Variants in TPD52L1 observed in about 807,000 individuals in gnomAD.
TPD52L1 encodes the protein tumor protein D53.
Under a neutral mutation model 28.7 loss-of-function variants are expected in TPD52L1, and 18 were observed. The observed-to-expected ratio is 0.63, with a 90% confidence interval of 0.43 to 0.93. The LOEUF (loss-of-function observed/expected upper bound fraction) is 0.93, where lower values mean the gene tolerates loss of function less well. Ranked by LOEUF, TPD52L1 falls within the 40% of genes least tolerant of loss-of-function variation. The pLI is 0.00. For synonymous variants in TPD52L1, 75 were observed against 88.8 expected (o/e 0.84, Z 0.88); for missense variants, 203 against 254.8 (o/e 0.80, Z 1.39).
At chr6:125,225,924 T>C (rs11154299) in intron 2 of TPD52L1, among the ~76,000 whole-genome samples, 11,306 of 152,176 alleles carry the variant, frequency 0.074, 1,384 homozygotes, top group African/African-American at 0.26. Flanking sequence ...TAAACTGAAG[T>C]TGAGAACCAC....
intron 1 of TPD52L1, among the ~76,000 whole-genome samples, chr6:125,194,119 T>G (rs933720310): frequency 2.0e-5 from 3 of 151,874 alleles, no homozygotes; most frequent in Non-Finnish European, 2.9e-5. Context: ...CTGGAACTAC[T>G]TGTGGATTTT....
intron 1 of TPD52L1, among the ~76,000 whole-genome samples, chr6:125,159,015 G>A (rs1318817398): frequency 6.6e-6 from 1 of 152,236 alleles, no homozygotes; most frequent in Non-Finnish European, 1.5e-5. Context: ...TTTACTGGTG[G>A]AGGGTCTTGC....
rs116833085 is a variant in TPD52L1, at chr6:125,174,727, T to C, written c.19+20757T>C. Reference sequence around the variant, plus strand: ...GCTTTCAAAATAACTTAGTAGAGCATTGGGGAAAATGCCAGCAGTGCTTAC... The same window carrying C: ...GCTTTCAAAATAACTTAGTAGAGCACTGGGGAAAATGCCAGCAGTGCTTAC... On this transcript the variant is annotated intron_variant, in intron 1 of 6. Transcript: ENST00000534000. 5.0e-3 allele frequency among the ~76,000 whole-genome samples: 756 copies of C among 152,292 alleles called. 10 individuals are homozygous for C. The highest frequency in any genetic ancestry group is 0.017 in the African/African-American group (705 of 41,578).
intron 1 of TPD52L1, among the ~76,000 whole-genome samples, chr6:125,178,330 T>TA (rs1791944476): frequency 6.6e-6 from 1 of 152,066 alleles, no homozygotes; most frequent in Non-Finnish European, 1.5e-5. Flanking sequence ...CATAAATTAG[T>TA]AAAAAACATA....
At chr6:125,182,367 G>A (rs907560768) in intron 1 of TPD52L1, among the ~76,000 whole-genome samples, 1 of 152,124 alleles carries the variant, frequency 6.6e-6, no homozygotes, top group Non-Finnish European at 1.5e-5. Flanking sequence ...TTTAGGAATC[G>A]TGAGCTGGAG....
At chr6:125,256,986 A>G in intron 5 of TPD52L1, 112 bp from the exon 6 acceptor site, 1 of 858,724 alleles carries the variant, frequency 1.2e-6, no homozygotes. Context: ...GCAAGCTGAC[A>G]GGTAGCTCTG....
chr6:125,259,263 T>C (rs564303101), intron 6 of TPD52L1, among the ~76,000 whole-genome samples: 3 of 152,338 alleles, frequency 2.0e-5, no homozygotes, highest in South Asian at 2.1e-4. Flanking sequence ...TAAGAAATCA[T>C]AGTCATATTT....
intron 1 of TPD52L1, among the ~76,000 whole-genome samples, chr6:125,201,839 T>C (rs1265908192): frequency 6.6e-6 from 1 of 152,232 alleles, no homozygotes; most frequent in Non-Finnish European, 1.5e-5. Flanking sequence ...CAGAAACACA[T>C]ATTTCCATCT....
At position 125,220,193 on chromosome 6, in the gene TPD52L1, G is replaced by A; in HGVS notation, c.135G>A (p.Gln45=). 6.3e-7 allele frequency: 1 copy of A among 1,591,586 alleles called. No homozygotes were observed. Among genetic ancestry groups the A allele is most frequent in the Non-Finnish European group, 8.6e-7 (1 of 1,159,714 alleles). ...EKEELKAELV[Q]LEDEITTLRQ... ...AAGAGTTAAAAGCAGAGTTAGTTCA[G>A]GTATGTTTAGTAATCTTATTGTTGC... is the stretch of plus-strand genomic sequence containing the variant. The change falls in exon 2 of 7, where the codon CAG becomes CAA. Residue 45 remains glutamine, a splice_region_variant and synonymous_variant. Transcript: ENST00000534000.
chr6:125,236,188 C>T (rs1796252079), intron 3 of TPD52L1, among the ~76,000 whole-genome samples: 1 of 152,126 alleles, frequency 6.6e-6, no homozygotes, highest in African/African-American at 2.4e-5. Flanking sequence ...TCAGATTTAA[C>T]ATTAAATAAT....
At chr6:125,254,200 C>T (rs150300217) in intron 5 of TPD52L1, among the ~76,000 whole-genome samples, 1 of 152,134 alleles carries the variant, frequency 6.6e-6, no homozygotes. Context: ...GAGAGGATAT[C>T]ATTAGGATTT....
At chr6:125,253,670 T>G in intron 4 of TPD52L1, 47 bp from the exon 5 acceptor site, 1 of 1,564,734 alleles carries the variant, frequency 6.4e-7, no homozygotes, top group South Asian at 1.1e-5. Flanking sequence ...TTATGTGTGC[T>G]CTCTTCTTTT....
chr6:125,227,624 G>A (rs536228132), intron 2 of TPD52L1, among the ~76,000 whole-genome samples: 11 of 152,164 alleles, frequency 7.2e-5, no homozygotes, highest in African/African-American at 1.9e-4. Context: ...ATTCTTTTCC[G>A]GCTTAACAAG....
intron 1 of TPD52L1, among the ~76,000 whole-genome samples, chr6:125,178,712 G>A (rs1034047763): frequency 2.6e-5 from 4 of 152,000 alleles, no homozygotes; most frequent in African/African-American, 9.7e-5. Context: ...AATGAAGGCA[G>A]GATGTGAAAT....
rs146549166 is a variant in TPD52L1, at chr6:125,183,140, T to C, written c.19+29170T>C. Among the ~76,000 whole-genome samples the C allele has an allele frequency of 1.2e-3, 177 of 152,278 alleles. No homozygotes were observed. The East Asian group carries it at 0.013, about 11-fold the overall frequency. On this transcript the variant is annotated intron_variant, in intron 1 of 6. Transcript: ENST00000534000. ...GTGTGGCCAGCCTGGGACAGGGCTA[T>C]GCAGGAGAACTTTTGAGCGGTGAGA...
At chr6:125,214,334 T>C (rs1374832769) in intron 1 of TPD52L1, 10 of 386,720 alleles carry the variant, frequency 2.6e-5, no homozygotes, top group Non-Finnish European at 3.5e-5. Flanking sequence ...ACCCATTTCA[T>C]ACTTTCTGGG....
chr6:125,189,040 G>A (rs1419629955), intron 1 of TPD52L1, among the ~76,000 whole-genome samples: 1 of 152,178 alleles, frequency 6.6e-6, no homozygotes, highest in Non-Finnish European at 1.5e-5. Flanking sequence ...CTTAGCTAAC[G>A]ATTTTTCTCC....
chr6:125,216,529 GTATATATA>G (rs56135453), intron 1 of TPD52L1, among the ~76,000 whole-genome samples: 5,668 of 68,746 alleles, frequency 0.082, 159 homozygotes, highest in Non-Finnish European at 0.097. Flanking sequence ...GTATGTGTGT[GTATATATA>G]TATATATATA....
At chr6:125,222,496 C>T (rs576377570) in intron 2 of TPD52L1, among the ~76,000 whole-genome samples, 1 of 152,326 alleles carries the variant, frequency 6.6e-6, no homozygotes, top group African/African-American at 2.4e-5. Context: ...GGACTTCTGA[C>T]CCCTGACTGC....
Sources: allele counts gnomAD v4.1 joint callset (sites outside exome capture counted in the v4.1 genomes callset), GRCh38; gene constraint gnomAD v4.1.1; transcripts MANE v1.5; gene names NCBI Gene and HGNC (gene_info 2026-07-23, HGNC 2026-07-21).